The following DALRD3 variants were observed in gnomAD, a reference collection of about 807,000 sequenced individuals.
DALRD3 encodes the protein DALR anticodon-binding domain-containing protein 3.
A neutral mutation model predicts 56.7 loss-of-function variants in DALRD3; 47 were observed. The observed-to-expected ratio is 0.83, with a 90% CI of 0.66 to 1.06. DALRD3 has a LOEUF of 1.06. Among genes scored for constraint, DALRD3 ranks in the 50% least tolerant of loss-of-function variants. The pLI, the probability that DALRD3 is intolerant of heterozygous loss-of-function variation, is 0.00. For missense variants in DALRD3, 787 were observed against 724.0 expected, an observed-to-expected ratio of 1.09 and a Z score of -1.00; for synonymous variants, 347 against 308.5, an observed-to-expected ratio of 1.12 and a Z score of -1.31.
upstream of DALRD3, chr3:49,020,574 T>C (rs1451385720): frequency 1.1e-5 from 5 of 470,404 alleles, no homozygotes; most frequent in Non-Finnish European, 2.2e-5. Context: ...CAGTAAAGTA[T>C]GTCTGGGGGT....
intron 10 of DALRD3, 27 bp from the exon 11 acceptor site, chr3:49,015,899 C>CCAT (rs747982898): frequency 1.1e-5 from 17 of 1,614,020 alleles, no homozygotes; most frequent in Non-Finnish European, 5.1e-6. Flanking sequence ...AGTCACTGGC[C>CCAT]CATCTCTTTG....
intron 6 of DALRD3, 32 bp from the exon 7 acceptor site, chr3:49,016,705 AG>A: frequency 6.2e-7 from 1 of 1,612,246 alleles, no homozygotes; most frequent in Non-Finnish European, 8.5e-7. Flanking sequence ...GCCAGTGGGC[AG>A]GGTCCTGGGT....
At position 49,018,483 on chromosome 3, in the gene DALRD3, T is replaced by C; in HGVS notation, c.82A>G (p.Lys28Glu). 1 of 1,587,904 alleles carries C rather than the reference T, an allele frequency of 6.3e-7. No individual in the cohort carries two copies. Among genetic ancestry groups the C allele is most frequent in the Non-Finnish European group, 8.6e-7 (1 of 1,167,246 alleles). Residue 28 changes from lysine to glutamate, a missense_variant, in exon 1 of 12, where the codon AAG becomes GAG. Lys to Glu is a moderately conservative substitution (Grantham distance 56). Transcript: ENST00000341949. Reference protein sequence around the residue: ...ALGPGGPVWIKETRTRHLRSR... With the variant: ...ALGPGGPVWIEETRTRHLRSR... ...CGCAGGTGGCGGGTGCGCGTCTCCT[T>C]GATCCACACCGGACCGCCTGGCCCC...
At position 49,017,223 on chromosome 3, in the gene DALRD3, C is replaced by A; in HGVS notation, c.927+5G>T. The A allele has an allele frequency of 6.2e-7, 1 of 1,614,200 alleles. No homozygotes were observed. The highest frequency in any genetic ancestry group is 8.5e-7 in the Non-Finnish European group (1 of 1,180,040). The stretch of plus-strand genomic sequence containing the variant: ...TGGGGAGCTCCACCATCATTATTAA[C>A]CTACCTGTCTGAGTGGAGCCTTGTC... On this transcript the variant is annotated splice_donor_5th_base_variant and intron_variant, in intron 5 of 11. Coordinates refer to ENST00000341949, the MANE Select transcript of DALRD3 (RefSeq NM_001009996.3).
At chr3:49,016,928 C>T in intron 5 of DALRD3, 81 bp from the exon 6 acceptor site, 1 of 1,513,244 alleles carries the variant, frequency 6.6e-7, no homozygotes, top group Non-Finnish European at 9.1e-7. Context: ...TCTGGTGCCT[C>T]TACTCAGCCC....
In DALRD3 at chr3:49,018,331, G is replaced by A; in HGVS notation, c.166-13C>T. 1.3e-6 allele frequency: 2 copies of A among 1,487,200 alleles called. No homozygotes were observed. The highest frequency in any genetic ancestry group is 8.9e-7 in the Non-Finnish European group (1 of 1,125,326). The allele number at this position is 1,487,200 out of a possible 1,614,324, so 92.1% of individuals were successfully genotyped here. ...AATGCTCCGGAACCTGCGGGAGAAC[G>A]GGCGTGTAAAAGAGCCACGGCACGG... On this transcript the variant is annotated splice_polypyrimidine_tract_variant and intron_variant, in intron 1 of 11. Coordinates refer to ENST00000341949, the MANE Select transcript of DALRD3 (RefSeq NM_001009996.3).
chr3:49,016,010 G>A lies in DALRD3; in HGVS notation c.1406C>T (p.Thr469Ile). 1.2e-6 allele frequency: 2 copies of A among 1,609,470 alleles called. No individual in the cohort carries two copies. Among genetic ancestry groups the A allele is most frequent in the Non-Finnish European group, 1.7e-6 (2 of 1,176,878 alleles). Residue 469 changes from threonine (T) to isoleucine (I), a missense_variant, in exon 10 of 12, where the codon ACA (threonine) becomes ATA (isoleucine). Thr to Ile is a moderately conservative substitution (Grantham distance 89). Coordinates refer to ENST00000341949, the MANE Select transcript of DALRD3 (RefSeq NM_001009996.3). ...TACAGCAATGTGGAGCCCCGGGGCT[G>A]TGCAGTCCAGCACTGCTGTCCGGCT... is the stretch of plus-strand genomic sequence containing the variant. ...LLSRTAVLDCTAPGLHIAVRT... is the reference protein window; with the variant it reads ...LLSRTAVLDCIAPGLHIAVRT...
chr3:49,018,660 C>T (rs1405705232), upstream of DALRD3: 1 of 1,437,954 alleles, frequency 7.0e-7, no homozygotes, highest in Non-Finnish European at 9.1e-7. Flanking sequence ...CGGCGGTGGT[C>T]CCCGTAAGTG....
At chr3:49,020,235 C>T (rs745809471), upstream of DALRD3, 16 of 534,622 alleles carry the variant, frequency 3.0e-5, no homozygotes, top group Middle Eastern at 9.5e-4. Flanking sequence ...AAGCGCTTTC[C>T]ATTCTGAAGG....
rs1311594714 is a variant in DALRD3, at chr3:49,018,278, C to A, written c.206G>T (p.Gly69Val). The change falls in exon 2 of 12, where the codon GGC becomes GTC. Residue 69 changes from glycine (G) to valine (V), a missense_variant. Physicochemically the swap from Gly to Val is moderately radical, Grantham distance 109. Transcript: ENST00000341949. ...GCGCAGCACCGGGGCCACACCGGGG[C>A]CCTGCAGGCAGGCGAGGGCATGGAG... The part of the protein sequence containing the change: ...HLLHALACLQ[G>V]PGVAPVLRCA... The A allele has an allele frequency of 9.0e-6, 13 of 1,447,370 alleles. No homozygotes were observed. The highest frequency in any genetic ancestry group is 4.4e-5 in the South Asian group (3 of 68,510). 89.7% of individuals were successfully genotyped at this position (1,447,370 alleles called of 1,614,324 possible).
Position 49,018,098 on chromosome 3 carries a change from G to A in DALRD3, c.386C>T (p.Pro129Leu), listed in dbSNP as rs748420382. The change falls in exon 2 of 12, where the codon CCC (proline) becomes CTC (leucine). Residue 129 changes from proline (P) to leucine (L), a missense_variant. Physicochemically the swap from Pro to Leu is moderately conservative, Grantham distance 98 (BLOSUM62 -3). Coordinates refer to ENST00000341949, the MANE Select transcript of DALRD3 (RefSeq NM_001009996.3). ...LLHCPALRSSPCALRLSQLRT... is the reference protein window; with the variant it reads ...LLHCPALRSSLCALRLSQLRT... ...CAGCTGGCTCAAGCGGAGTGCGCAG[G>A]GGGAGCTGCGCAGTGCTGGGCAGTG... 4.8e-5 allele frequency: 72 copies of A among 1,485,884 alleles called. No homozygotes were observed. In the Admixed American group the frequency reaches 9.2e-4, roughly 19 times the overall value. The allele number at this position is 1,485,884 out of a possible 1,614,324, so 92.0% of individuals were successfully genotyped here. A position where few individuals can be genotyped will look rare whatever the true frequency, so the allele number is the denominator to read the frequency against.
In DALRD3 at chr3:49,016,808, G is replaced by A. The variant is rs1336014599; in HGVS notation, c.967C>T (p.Pro323Ser). 3 of 1,614,170 alleles carry A rather than the reference G, an allele frequency of 1.9e-6. No individual in the cohort carries two copies. Among genetic ancestry groups the A allele is most frequent in the Admixed American group, 1.7e-5 (1 of 60,020 alleles). The change falls in exon 6 of 12, where the codon CCT (proline) becomes TCT (serine). Residue 323 changes from proline (P) to serine (S), a missense_variant. Physicochemically the swap from Pro to Ser is moderately conservative, Grantham distance 74. Coordinates refer to ENST00000341949, the MANE Select transcript of DALRD3 (RefSeq NM_001009996.3). Reference sequence around the variant, plus strand: ...TCAGGGGCAGTCATCAGAGTGCCAGGTGCACCAGCTACTTTCACAGGGCCA... The same window carrying A: ...TCAGGGGCAGTCATCAGAGTGCCAGATGCACCAGCTACTTTCACAGGGCCA... ...ICGPVKVAGA[P>S]GTLMTAPEYY...
rs1357733337 is a variant in DALRD3 at position 49,016,494 on chromosome 3, T to G, written c.1081A>C (p.Ile361Leu). The G allele has an allele frequency of 5.0e-6, 8 of 1,613,780 alleles. No individual in the cohort carries two copies. In the Admixed American group the frequency reaches 1.2e-4, roughly 24 times the overall value. The change falls in exon 8 of 12, where the codon ATC becomes CTC. Residue 361 changes from isoleucine (I) to leucine (L), a missense_variant. Ile to Leu is a conservative substitution (Grantham distance 5, BLOSUM62 2). Transcript: ENST00000341949. ...GTGGCCACAGAGAGAACACCAAAGATCTCTGTCCAGGCTGGGTCTGAGGGA... is the reference window on the plus strand; with the variant it reads ...GTGGCCACAGAGAGAACACCAAAGAGCTCTGTCCAGGCTGGGTCTGAGGGA... ...DLAQDPAWTEIFGVLSVATIK... is the reference protein window; with the variant it reads ...DLAQDPAWTELFGVLSVATIK...
chr3:49,016,445 G>C lies in DALRD3; in HGVS notation c.1130C>G (p.Thr377Arg). The change falls in exon 8 of 12, where the codon ACA (threonine) becomes AGA (arginine). Residue 377 changes from threonine to arginine, a missense_variant. Thr to Arg is a moderately conservative substitution (Grantham distance 71). Transcript: ENST00000341949. ...VATIKFEMLS[T>R]APQSQLFLAL... ...CAGGCTCACCTGACTCTGTGGGGCTGTGCTCAGCATCTCAAACTTGATGGT... is the reference window on the plus strand; with the variant it reads ...CAGGCTCACCTGACTCTGTGGGGCTCTGCTCAGCATCTCAAACTTGATGGT... 4 of 1,613,910 alleles carry C rather than the reference G, an allele frequency of 2.5e-6. No individual in the cohort carries two copies. The highest frequency in any genetic ancestry group is 3.4e-6 in the Non-Finnish European group (4 of 1,179,922).
chr3:49,015,870 T>C lies in DALRD3; in HGVS notation c.1446A>G (p.Ile482Met). ...GLHIAVRTEM[I>M]CKFLVQLSMD... ...TGCTGAGCTGTACCAGGAACTTGCA[T>C]ATCTAGAGACAGAGACTGAGTCACT... Residue 482 changes from isoleucine (I) to methionine (M), a missense_variant and splice_region_variant, in exon 11 of 12, where the codon ATA becomes ATG. By Grantham distance (10) the Ile-to-Met change is conservative. Transcript: ENST00000341949. 1.9e-6 allele frequency: 3 copies of C among 1,614,202 alleles called. No individual in the cohort carries two copies. Among genetic ancestry groups the C allele is most frequent in the South Asian group, 2.2e-5 (2 of 91,088 alleles).
chr3:49,019,029 G>A (rs1399164717), upstream of DALRD3: 3 of 985,260 alleles, frequency 3.0e-6, no homozygotes, highest in Non-Finnish European at 3.6e-6. Context: ...ATAGTGTTCC[G>A]CGGTTTCAGG....
At chr3:49,019,159 C>CA (rs2093129257), upstream of DALRD3, 1 of 391,094 alleles carries the variant, frequency 2.6e-6, no homozygotes, top group African/African-American at 2.2e-5. Context: ...CTGCAGCCTC[C>CA]ACCTCCCGGA....
upstream of DALRD3, chr3:49,020,114 C>G (rs141806710): frequency 5.3e-3 from 2,807 of 533,830 alleles, 31 homozygotes; most frequent in Non-Finnish European, 4.8e-3. Context: ...AGGCCCCTTT[C>G]TGGGCCAGGG....
At position 49,018,436 on chromosome 3, in the gene DALRD3, C is replaced by T. The variant is rs1249995072; in HGVS notation, c.129G>A (p.Pro43=). The T allele has an allele frequency of 1.3e-6, 2 of 1,584,810 alleles. No individual in the cohort carries two copies. The highest frequency in any genetic ancestry group is 2.7e-5 in the African/African-American group (2 of 74,252). The stretch of plus-strand genomic sequence containing the variant: ...CGAAGCGCGCCTGCAGCGCGCGGTG[C>T]GGTGCCAGAAAGTCTCGGGAACGCA... ...RHLRSRDFLA[P]HRALQARFDD... is the part of the protein sequence containing the mutation. The change falls in exon 1 of 12, where the codon CCG becomes CCA. Residue 43 remains proline (P), a synonymous_variant. Transcript: ENST00000341949.
Sources: gnomAD v4.1 joint callset for allele counts on GRCh38, gnomAD v4.1.1 for gene constraint, MANE v1.5 for transcripts, NCBI Gene and HGNC (gene_info 2026-07-23, HGNC 2026-07-21) for gene names.